DOCK7: variants seen among roughly 807,000 people sequenced by gnomAD.
The protein encoded by DOCK7 is dedicator of cytokinesis 7.
Under a neutral mutation model 271.0 loss-of-function variants are expected in DOCK7, and 138 were observed. The observed-to-expected ratio is 0.51, with a 90% CI of 0.44 to 0.59. The LOEUF (loss-of-function observed/expected upper bound fraction) is 0.59, where lower values mean the gene tolerates loss of function less well. DOCK7 is among the 20% of genes least tolerant of loss of function. DOCK7 has a pLI of 0.00. For synonymous variants in DOCK7, 823 were observed against 876.1 expected, an observed-to-expected ratio of 0.94 and a Z score of 1.07; for missense variants, 2,066 against 2,592.4, an observed-to-expected ratio of 0.80 and a Z score of 4.41.
chr1:62,513,054 G>GCTA (rs1644535142), intron 33 of DOCK7, among the ~76,000 whole-genome samples: 1 of 151,954 alleles, frequency 6.6e-6, no homozygotes, highest in Non-Finnish European at 1.5e-5. Flanking sequence ...AATGGGGGAG[G>GCTA]CTACGCATAC....
chr1:62,652,193 C>T (rs747352578), intron 4 of DOCK7, among the ~76,000 whole-genome samples: 5 of 152,184 alleles, frequency 3.3e-5, no homozygotes, highest in Non-Finnish European at 4.4e-5. Flanking sequence ...CCATTGCCTG[C>T]ATTCACTGGT....
In DOCK7 at chr1:62,477,639, T is replaced by G. The variant is rs560177580; in HGVS notation, c.5634+61A>C. The G allele has an allele frequency of 1.2e-4, 185 of 1,482,652 alleles. No homozygotes were observed. In the African/African-American group the frequency reaches 2.5e-3, roughly 20 times the overall value. The allele number at this position is 1,482,652 out of a possible 1,614,324, so 91.8% of individuals were successfully genotyped here. A position where few individuals can be genotyped will look rare whatever the true frequency, so the allele number is the denominator to read the frequency against. On this transcript the variant is annotated intron_variant, in intron 44 of 49. Transcript: ENST00000635253. Reference sequence around the variant, plus strand: ...AAATGATTAGATCTGGATCTGAAAGTCTAATCATCAGAGAGAATACAAACT... The same window carrying G: ...AAATGATTAGATCTGGATCTGAAAGGCTAATCATCAGAGAGAATACAAACT...
chr1:62,605,509 T>A (rs1571740309), intron 14 of DOCK7: 1 of 152,548 alleles, frequency 6.6e-6, no homozygotes, highest in East Asian at 1.9e-4. Flanking sequence ...TATACCTTAT[T>A]TGTTAAAATA....
rs188804649 is a variant in DOCK7, at chr1:62,556,962, C to T, written c.2432-973G>A. ...TACTCCAAGTTACAAGAATCCTTCT[C>T]AAAACTAAGGTCCTCCTTAATTCCT... On this transcript the variant is annotated intron_variant, in intron 20 of 49. Transcript: ENST00000635253. Among the ~76,000 whole-genome samples, 361 of 152,254 alleles carry T rather than the reference C, an allele frequency of 2.4e-3. 2 individuals are homozygous for T. Among genetic ancestry groups the T allele is most frequent in the African/African-American group, 8.0e-3 (332 of 41,556 alleles).
chr1:62,489,859 C>T (rs1361118636), intron 41 of DOCK7, among the ~76,000 whole-genome samples: 1 of 152,070 alleles, frequency 6.6e-6, no homozygotes, highest in East Asian at 1.9e-4. Context: ...ATTTACTTTT[C>T]CAAAATATTA....
At chr1:62,657,125 G>A (rs907098841) in intron 2 of DOCK7, among the ~76,000 whole-genome samples, 1 of 152,204 alleles carries the variant, frequency 6.6e-6, no homozygotes, top group African/African-American at 2.4e-5. Flanking sequence ...CTTGGGAACT[G>A]TCAGAGAAGG....
chr1:62,455,505 CAT>C, intron 49 of DOCK7, 49 bp from the exon 50 acceptor site: 1 of 1,550,880 alleles, frequency 6.4e-7, no homozygotes, highest in Non-Finnish European at 8.9e-7. Flanking sequence ...ACAATTTTTG[CAT>C]ATACCTTTAA....
At position 62,542,590 on chromosome 1, in the gene DOCK7, T is replaced by C. The variant is rs1645571617; in HGVS notation, c.3045+18A>G. 1 of 1,596,584 alleles carries C rather than the reference T, an allele frequency of 6.3e-7. No individual in the cohort carries two copies. Among genetic ancestry groups the C allele is most frequent in the Middle Eastern group, 1.7e-4 (1 of 5,960 alleles). Reference sequence around the variant, plus strand: ...CTAAGAGAAAAAATATTAAAGAACATGCTCAGTTTTTGCTCACCATTAATT... The same window carrying C: ...CTAAGAGAAAAAATATTAAAGAACACGCTCAGTTTTTGCTCACCATTAATT... On this transcript the variant is annotated intron_variant, in intron 25 of 49. Transcript: ENST00000635253.
chr1:62,684,328 G>A (rs1661496675), intron 1 of DOCK7, among the ~76,000 whole-genome samples: 1 of 152,140 alleles, frequency 6.6e-6, no homozygotes, highest in Non-Finnish European at 1.5e-5. Flanking sequence ...ACAACAGTAA[G>A]TAATATGGAA....
At chr1:62,673,133 T>G (rs1445458109) in intron 1 of DOCK7, among the ~76,000 whole-genome samples, 1 of 150,800 alleles carries the variant, frequency 6.6e-6, no homozygotes, top group Non-Finnish European at 1.5e-5. Flanking sequence ...CAGTAACCAC[T>G]AAAGGCTCAA....
chr1:62,658,077 A>C (rs981944811), intron 2 of DOCK7, among the ~76,000 whole-genome samples: 1 of 152,034 alleles, frequency 6.6e-6, no homozygotes, highest in East Asian at 1.9e-4. Flanking sequence ...AGCTAAGCAA[A>C]CCTTAAACAG....
chr1:62,590,003 C>T (rs186211603), intron 14 of DOCK7, among the ~76,000 whole-genome samples: 10 of 151,822 alleles, frequency 6.6e-5, no homozygotes, highest in African/African-American at 2.2e-4. Flanking sequence ...GCAAAGAAGA[C>T]CGAAAGGGCA....
intron 28 of DOCK7, among the ~76,000 whole-genome samples, chr1:62,537,663 A>G (rs1309091239): frequency 6.6e-6 from 1 of 151,638 alleles, no homozygotes; most frequent in Non-Finnish European, 1.5e-5. Flanking sequence ...CTTTTTACTC[A>G]GTGACCTTTC....
At chr1:62,630,064 C>T (rs769776641) in intron 11 of DOCK7, among the ~76,000 whole-genome samples, 26 of 152,196 alleles carry the variant, frequency 1.7e-4, no homozygotes, top group Admixed American at 5.9e-4. Flanking sequence ...TAAGCAAGCC[C>T]TGAGAATGAC....
intron 28 of DOCK7, among the ~76,000 whole-genome samples, chr1:62,536,324 C>G (rs566947866): frequency 9.9e-4 from 151 of 152,194 alleles, no homozygotes; most frequent in African/African-American, 3.1e-3. Flanking sequence ...AATTACATAG[C>G]TAGCTGAGAA....
chr1:62,636,872 C>T (rs758501896), intron 7 of DOCK7, among the ~76,000 whole-genome samples: 1 of 152,116 alleles, frequency 6.6e-6, no homozygotes, highest in Non-Finnish European at 1.5e-5. Flanking sequence ...ATATTATGTC[C>T]ATTCTGAGGC....
intron 1 of DOCK7, among the ~76,000 whole-genome samples, chr1:62,671,392 G>T (rs967380056): frequency 1.3e-5 from 2 of 152,202 alleles, no homozygotes; most frequent in South Asian, 2.1e-4. Flanking sequence ...ATGCTTGAAT[G>T]GAACAACTTA....
intron 18 of DOCK7, among the ~76,000 whole-genome samples, chr1:62,575,054 G>T (rs1646903861): frequency 6.6e-6 from 1 of 151,872 alleles, no homozygotes; most frequent in Non-Finnish European, 1.5e-5. Context: ...TAAAAGAGAT[G>T]GGGTCTTGCT....
At chr1:62,562,820 C>T (rs1646372229) in intron 18 of DOCK7, among the ~76,000 whole-genome samples, 1 of 151,972 alleles carries the variant, frequency 6.6e-6, no homozygotes, top group Non-Finnish European at 1.5e-5. Context: ...GAAACAAAGC[C>T]CCAAGAAAAG....
Sources: gnomAD v4.1 joint callset for allele counts (sites outside exome capture counted in the v4.1 genomes callset) on GRCh38, gnomAD v4.1.1 for gene constraint, MANE v1.5 for transcripts, NCBI Gene and HGNC (gene_info 2026-07-23, HGNC 2026-07-21) for gene names.